The following NEK11 variants were observed in gnomAD, a reference collection of about 807,000 sequenced individuals.
NEK11 encodes serine/threonine-protein kinase Nek11.
NEK11 carries 72 observed loss-of-function variants against 80.7 expected under a neutral mutation model. The observed-to-expected ratio is 0.89, with a 90% confidence interval of 0.74 to 1.08. The LOEUF (loss-of-function observed/expected upper bound fraction) is 1.08, where lower values mean the gene tolerates loss of function less well. Ranked by LOEUF, NEK11 falls within the 50% of genes least tolerant of loss-of-function variation. The probability of loss-of-function intolerance (pLI) is 0.00; values close to 1 mark genes in which losing one functional copy is unlikely to be tolerated. For synonymous variants in NEK11, 251 were observed against 260.7 expected, an observed-to-expected ratio of 0.96 and a Z score of 0.36; for missense variants, 764 against 763.6, an observed-to-expected ratio of 1.00 and a Z score of -0.01.
chr3:131,028,477 A>G (rs1037824166), intron 2 of NEK11, among the ~76,000 whole-genome samples: 1 of 152,244 alleles, frequency 6.6e-6, no homozygotes, highest in Non-Finnish European at 1.5e-5. Flanking sequence ...ATAACTAACA[A>G]AACATTTAAC....
chr3:131,050,922 C>T (rs983885259), intron 3 of NEK11, among the ~76,000 whole-genome samples: 10 of 152,056 alleles, frequency 6.6e-5, no homozygotes, highest in Admixed American at 4.6e-4. Flanking sequence ...CCCAGCTACT[C>T]GGAAGGCTGA....
chr3:131,290,743 C>A (rs913558448), intron 17 of NEK11, among the ~76,000 whole-genome samples: 2 of 152,170 alleles, frequency 1.3e-5, no homozygotes, highest in Admixed American at 6.6e-5. Context: ...GATCAGATAA[C>A]TGCCTACTGG....
intron 4 of NEK11, among the ~76,000 whole-genome samples, chr3:131,080,885 G>GGATT (rs2075157724): frequency 1.3e-5 from 2 of 152,108 alleles, no homozygotes; most frequent in African/African-American, 4.8e-5. Flanking sequence ...TGAAGTGAGA[G>GGATT]GATTGCTAAT....
chr3:131,110,165 T>G (rs1190779535), intron 5 of NEK11, among the ~76,000 whole-genome samples: 1 of 152,132 alleles, frequency 6.6e-6, no homozygotes, highest in Admixed American at 6.6e-5. Flanking sequence ...AGACAGAAAT[T>G]TGTATTAAAC....
intron 4 of NEK11, among the ~76,000 whole-genome samples, chr3:131,089,659 G>A (rs541042131): frequency 2.0e-5 from 3 of 152,178 alleles, no homozygotes; most frequent in East Asian, 1.9e-4. Context: ...GGCTGGTCTC[G>A]AACTCCTGAC....
intron 3 of NEK11, among the ~76,000 whole-genome samples, chr3:131,076,211 G>A (rs761216427): frequency 8.5e-5 from 13 of 152,202 alleles, no homozygotes; most frequent in Non-Finnish European, 1.8e-4. Context: ...GCTGTCTAAA[G>A]TGGGCAGCCA....
intron 14 of NEK11, chr3:131,174,758 A>AT: frequency 6.2e-7 from 1 of 1,607,506 alleles, no homozygotes; most frequent in South Asian, 1.1e-5. Context: ...TTTATATTTT[A>AT]TTTTTTAGCA....
At chr3:131,339,714 C>T (rs758826434) in intron 17 of NEK11, among the ~76,000 whole-genome samples, 1 of 152,170 alleles carries the variant, frequency 6.6e-6, no homozygotes, top group Non-Finnish European at 1.5e-5. Context: ...TTACAGTAAA[C>T]AGGAACAGGA....
At chr3:131,122,248 G>A (rs1041134711) in intron 5 of NEK11, among the ~76,000 whole-genome samples, 2 of 152,162 alleles carry the variant, frequency 1.3e-5, no homozygotes, top group Non-Finnish European at 2.9e-5. Context: ...TCCTACCCCA[G>A]ATTTGAAGGT....
rs576788628 is a variant in NEK11, at chr3:131,273,567, A to G, written c.1711A>G (p.Met571Val). Residue 571 changes from methionine to valine, a missense_variant, in exon 17 of 18, where the codon ATG becomes GTG. Met to Val is a conservative substitution (Grantham distance 21). Transcript: ENST00000383366. ...GATGGCCAGGACCAAGATGAAACGC[A>G]TGAGGGAGTAAGTAGCATGTTGCCT... ...SVMARTKMKRMRESAMQKLGT... is the reference protein window; with the variant it reads ...SVMARTKMKRVRESAMQKLGT... 2 of 1,613,066 alleles carry G rather than the reference A, an allele frequency of 1.2e-6. No individual in the cohort carries two copies. The highest frequency in any genetic ancestry group is 2.2e-5 in the East Asian group (1 of 44,866).
intron 17 of NEK11, among the ~76,000 whole-genome samples, chr3:131,343,806 G>A (rs2097321968): frequency 6.6e-6 from 1 of 152,228 alleles, no homozygotes; most frequent in Non-Finnish European, 1.5e-5. Flanking sequence ...TCCCGAGGCT[G>A]TGCAGGGCAG....
At chr3:131,172,565 A>G (rs921745444) in intron 14 of NEK11, among the ~76,000 whole-genome samples, 2 of 152,118 alleles carry the variant, frequency 1.3e-5, no homozygotes, top group Admixed American at 6.5e-5. Flanking sequence ...TTTCAGATGG[A>G]TTTCTGTCTT....
chr3:131,214,312 G>C (rs1409002255), intron 14 of NEK11, among the ~76,000 whole-genome samples: 1 of 152,098 alleles, frequency 6.6e-6, no homozygotes, highest in East Asian at 1.9e-4. Flanking sequence ...CATTCTACAC[G>C]TAAGACACCT....
chr3:131,214,410 A>AT (rs1276379136), intron 14 of NEK11, among the ~76,000 whole-genome samples: 1 of 152,030 alleles, frequency 6.6e-6, no homozygotes, highest in East Asian at 1.9e-4. Context: ...TATGTACCAA[A>AT]TTTTTCAGAG....
intron 5 of NEK11, among the ~76,000 whole-genome samples, chr3:131,121,603 G>A (rs1303835867): frequency 6.6e-6 from 1 of 152,208 alleles, no homozygotes; most frequent in Non-Finnish European, 1.5e-5. Context: ...ACAGAGGCAG[G>A]CAGGCCTCCT....
At chr3:131,125,902 G>A (rs1453447012) in intron 5 of NEK11, among the ~76,000 whole-genome samples, 4 of 152,186 alleles carry the variant, frequency 2.6e-5, no homozygotes. Flanking sequence ...GCCAGATCTT[G>A]AAATCTCTAG....
intron 4 of NEK11, among the ~76,000 whole-genome samples, chr3:131,099,559 G>A (rs1266321986): frequency 6.6e-6 from 1 of 152,190 alleles, no homozygotes; most frequent in African/African-American, 2.4e-5. Context: ...GCTTAGGGCA[G>A]TATGGCTATT....
chr3:131,317,580 A>G (rs1036050185), intron 17 of NEK11, among the ~76,000 whole-genome samples: 7 of 151,680 alleles, frequency 4.6e-5, no homozygotes, highest in Non-Finnish European at 5.9e-5. Flanking sequence ...GAGCCGCAGT[A>G]TCACTGGAGG....
intron 4 of NEK11, among the ~76,000 whole-genome samples, chr3:131,095,094 G>C (rs760077383): frequency 1.3e-5 from 2 of 152,078 alleles, no homozygotes; most frequent in African/African-American, 4.8e-5. Context: ...GTTCATCATA[G>C]GTAATTTGAC....
Sources: gnomAD v4.1 joint callset for allele counts (sites outside exome capture counted in the v4.1 genomes callset) on GRCh38, gnomAD v4.1.1 for gene constraint, MANE v1.5 for transcripts, NCBI Gene and HGNC (gene_info 2026-07-23, HGNC 2026-07-21) for gene names.